The following TLK2 variants were observed in gnomAD, a reference collection of about 807,000 sequenced individuals.
The protein encoded by TLK2 is tousled like kinase 2.
Under a neutral mutation model 117.3 loss-of-function variants are expected in TLK2, and 6 were observed. The observed-to-expected ratio is 0.05, with a 90% confidence interval of 0.03 to 0.10. The LOEUF is 0.10. Ranked by LOEUF, TLK2 falls within the 10% of genes least tolerant of loss-of-function variation. TLK2 has a pLI of 1.00. For synonymous variants in TLK2, 257 were observed against 316.7 expected (o/e 0.81, Z 2.00); for missense variants, 299 against 901.2 (o/e 0.33, Z 8.56).
upstream of TLK2, among the ~76,000 whole-genome samples, chr17:62,478,823 T>C (rs1361475792): frequency 6.9e-6 from 1 of 145,332 alleles, no homozygotes; most frequent in Non-Finnish European, 1.5e-5. Context: ...TTTACACCGA[T>C]CACTACTAAT....
At chr17:62,537,423 G>T in intron 7 of TLK2, among the ~76,000 whole-genome samples, 1 of 152,214 alleles carries the variant, frequency 6.6e-6, no homozygotes, top group East Asian at 1.9e-4. Flanking sequence ...ATTAGACACT[G>T]TGAGCTGACG....
intron 17 of TLK2, 33 bp from the exon 18 acceptor site, chr17:62,600,618 T>C (rs369453056): frequency 3.8e-5 from 60 of 1,561,168 alleles, no homozygotes; most frequent in Non-Finnish European, 1.8e-5. Context: ...TTGCTCTTAT[T>C]CCATGGTTAA....
At chr17:62,533,743 C>T (rs1341842420) in intron 6 of TLK2, among the ~76,000 whole-genome samples, 6 of 152,196 alleles carry the variant, frequency 3.9e-5, no homozygotes, top group Non-Finnish European at 8.8e-5. Context: ...TCCCAAAGTG[C>T]TGGGATTACA....
intron 2 of TLK2, among the ~76,000 whole-genome samples, chr17:62,512,832 TTTG>T (rs1365856488): frequency 6.7e-5 from 10 of 148,190 alleles, no homozygotes; most frequent in African/African-American, 2.2e-4. Context: ...CTTGATCTAT[TTTG>T]TTTTTTTCTC....
chr17:62,591,985 G>A (rs953331334), intron 16 of TLK2, among the ~76,000 whole-genome samples: 9 of 148,160 alleles, frequency 6.1e-5, no homozygotes, highest in Admixed American at 2.0e-4. Flanking sequence ...ACAGAGTTTC[G>A]CTCTTGTTGC....
intron 7 of TLK2, among the ~76,000 whole-genome samples, chr17:62,549,424 A>AAAAAAAAAAGT (rs2078251244): frequency 7.7e-6 from 1 of 129,798 alleles, no homozygotes; most frequent in African/African-American, 2.8e-5. Context: ...AAAAAAAAAA[A>AAAAAAAAAAGT]AAAAAAAAAA....
intron 2 of TLK2, among the ~76,000 whole-genome samples, chr17:62,514,325 G>A (rs1213684490): frequency 1.3e-5 from 2 of 150,458 alleles, no homozygotes; most frequent in African/African-American, 2.4e-5. Context: ...TGTATTTTTA[G>A]TAGATATGGG....
At chr17:62,611,133 G>T (rs1203132129) in intron 21 of TLK2, among the ~76,000 whole-genome samples, 5 of 152,116 alleles carry the variant, frequency 3.3e-5, no homozygotes, top group Non-Finnish European at 7.4e-5. Flanking sequence ...ACGAGATCTT[G>T]TCTCTAAAAA....
intron 7 of TLK2, among the ~76,000 whole-genome samples, chr17:62,540,910 T>A (rs1364890540): frequency 6.6e-6 from 1 of 152,142 alleles, no homozygotes; most frequent in Non-Finnish European, 1.5e-5. Context: ...ATGGTTTGTT[T>A]TCCTCCACCC....
At chr17:62,605,598 C>G (rs914255592) in intron 19 of TLK2, among the ~76,000 whole-genome samples, 1 of 152,052 alleles carries the variant, frequency 6.6e-6, no homozygotes, top group Non-Finnish European at 1.5e-5. Flanking sequence ...GTCTCAAATT[C>G]TTGAGTTCAA....
chr17:62,573,489 T>C (rs2080483753), intron 12 of TLK2, 122 bp downstream of exon 12: 2 of 1,307,266 alleles, frequency 1.5e-6, no homozygotes, highest in East Asian at 2.5e-5. Flanking sequence ...TTCTTTTCAG[T>C]TACATTAATG....
At chr17:62,524,398 A>G in intron 6 of TLK2, 67 bp downstream of exon 6, 2 of 1,506,714 alleles carry the variant, frequency 1.3e-6, no homozygotes, top group Non-Finnish European at 1.8e-6. Context: ...ACACTCAAGC[A>G]AAGTTTCTCT....
chr17:62,608,010 C>G, intron 20 of TLK2, 31 bp from the exon 21 acceptor site: 4 of 1,558,654 alleles, frequency 2.6e-6, no homozygotes, highest in Non-Finnish European at 3.5e-6. Context: ...TCATCAGAGG[C>G]CTACATTATT....
intron 8 of TLK2, 144 bp downstream of exon 8, chr17:62,552,541 C>T: frequency 7.2e-7 from 1 of 1,393,822 alleles, no homozygotes; most frequent in Non-Finnish European, 9.6e-7. Context: ...TCATAACTTG[C>T]ATTATGGGTA....
chr17:62,544,224 T>C (rs1225798012), intron 7 of TLK2, among the ~76,000 whole-genome samples: 1 of 152,206 alleles, frequency 6.6e-6, no homozygotes, highest in Non-Finnish European at 1.5e-5. Context: ...TACAAAGAAC[T>C]ACCTGAGACT....
At chr17:62,559,495 A>C (rs140147284) in intron 9 of TLK2, among the ~76,000 whole-genome samples, 206 of 151,542 alleles carry the variant, frequency 1.4e-3, no homozygotes, top group African/African-American at 4.8e-3. Flanking sequence ...CTCCCGCCTC[A>C]GCCTCCCGAG....
chr17:62,565,125 A>G lies in TLK2; in HGVS notation c.956A>G (p.Gln319Arg). 6.2e-7 allele frequency: 1 copy of G among 1,605,804 alleles called. No individual in the cohort carries two copies. The highest frequency in any genetic ancestry group is 1.1e-5 in the South Asian group (1 of 88,610). The part of the protein sequence containing the change: ...TEQWTDGYAF[Q>R]NLIKQQERIN... ...CAGTGGACAGATGGTTATGCTTTTC[A>G]GAATCTTATCAAGTAAGTGAATTGT... The change falls in exon 11 of 22, where the codon CAG becomes CGG. Residue 319 changes from glutamine to arginine, a missense_variant. Gln to Arg is a conservative substitution (Grantham distance 43, BLOSUM62 1). Coordinates refer to ENST00000346027, the MANE Select transcript of TLK2 (RefSeq NM_006852.6).
chr17:62,607,577 A>G (rs1201370988), intron 20 of TLK2, among the ~76,000 whole-genome samples: 1 of 152,122 alleles, frequency 6.6e-6, no homozygotes, highest in Non-Finnish European at 1.5e-5. Context: ...GAAGCCATTA[A>G]GTAACCCCAA....
In TLK2 at chr17:62,549,292, G is replaced by A. The variant is rs191167109; in HGVS notation, c.532-3010G>A. ...CGGGTGCCTGTAGTCCCAGCTACTC[G>A]GGAGGCTGAGTCAGGAGAACGGCGT... On this transcript the variant is annotated intron_variant, in intron 7 of 21. Transcript: ENST00000346027. Among the ~76,000 whole-genome samples, 1,053 of 145,234 alleles carry A rather than the reference G, an allele frequency of 7.3e-3. 14 individuals are homozygous for A. Among genetic ancestry groups the A allele is most frequent in the African/African-American group, 0.024 (975 of 39,808 alleles).
Sources: gnomAD v4.1 joint callset for allele counts (sites outside exome capture counted in the v4.1 genomes callset) on GRCh38, gnomAD v4.1.1 for gene constraint, MANE v1.5 for transcripts, NCBI Gene and HGNC (gene_info 2026-07-23, HGNC 2026-07-21) for gene names.